ATXN10: variants seen among roughly 807,000 people sequenced by gnomAD.
The protein encoded by ATXN10 is ataxin 10, also known as ataxin-10.
A neutral mutation model predicts 52.9 loss-of-function variants in ATXN10; 28 were observed. That is an observed-to-expected ratio of 0.53 (90% CI 0.39 to 0.73). ATXN10 has a LOEUF of 0.73. Ranked by LOEUF, ATXN10 falls within the 30% of genes least tolerant of loss-of-function variation. The pLI is 0.00. For synonymous variants in ATXN10, 226 were observed against 221.5 expected (o/e 1.02, Z -0.18); for missense variants, 565 against 577.0 (o/e 0.98, Z 0.21).
rs750365963 is a variant in ATXN10 at position 45,718,502 on chromosome 22, C to CT, written c.728+9_728+10insT. The CT allele has an allele frequency of 6.2e-7, 1 of 1,611,290 alleles. No homozygotes were observed. The highest frequency in any genetic ancestry group is 1.1e-5 in the South Asian group (1 of 91,008). On this transcript the variant is annotated intron_variant, in intron 6 of 11. Coordinates refer to ENST00000252934, the MANE Select transcript of ATXN10 (RefSeq NM_013236.4). This position sits in a 1 kb window ranked among gnomAD's most constrained non-coding sequence, Gnocchi z 4.4. ...CTGAACAATCAAGAAAGGTAACCCC[C>CT]CAACCAGCGTGGTCTGGAGTATTTA...
chr22:45,689,940 A>C (rs576734331), intron 2 of ATXN10, 37 bp downstream of exon 2: 1 of 1,596,892 alleles, frequency 6.3e-7, no homozygotes, highest in Non-Finnish European at 8.6e-7. Flanking sequence ...GTTTCTTTGT[A>C]TATGTGCATG....
At chr22:45,679,901 G>A (rs1922851283) in intron 1 of ATXN10, 1 of 152,226 alleles carries the variant, frequency 6.6e-6, no homozygotes, top group South Asian at 2.1e-4. Flanking sequence ...AGACAGGAAA[G>A]AGTTTGAGCC....
chr22:45,777,557 A>G (rs948968380), intron 9 of ATXN10, among the ~76,000 whole-genome samples: 1 of 152,182 alleles, frequency 6.6e-6, no homozygotes, highest in African/African-American at 2.4e-5. Context: ...TAACCAGGTT[A>G]GTGTTTAGTT....
intron 9 of ATXN10, among the ~76,000 whole-genome samples, chr22:45,785,003 A>C (rs1927275071): frequency 1.3e-5 from 2 of 152,344 alleles, no homozygotes; most frequent in South Asian, 4.1e-4. Flanking sequence ...ATTGCACCCC[A>C]AGTAGCAGAG....
At chr22:45,700,522 G>C (rs1923801779) in intron 4 of ATXN10, 144 bp downstream of exon 4, 1 of 701,712 alleles carries the variant, frequency 1.4e-6, no homozygotes, top group Admixed American at 2.1e-5. Context: ...GTGGGTACCA[G>C]CTGGGAGAGG....
intron 9 of ATXN10, among the ~76,000 whole-genome samples, chr22:45,792,145 G>A (rs1927535508): frequency 6.6e-6 from 1 of 152,070 alleles, no homozygotes; most frequent in Admixed American, 6.6e-5. Flanking sequence ...AGTCTAAATA[G>A]ATTAAAATAG....
At chr22:45,810,356 G>A (rs998772650) in intron 10 of ATXN10, among the ~76,000 whole-genome samples, 1 of 152,092 alleles carries the variant, frequency 6.6e-6, no homozygotes, top group Non-Finnish European at 1.5e-5. Flanking sequence ...CTTCCAATTT[G>A]TCTCTTCTTT....
chr22:45,729,335 A>G, intron 6 of ATXN10, 90 bp from the exon 7 acceptor site: 3 of 1,304,980 alleles, frequency 2.3e-6, no homozygotes, highest in East Asian at 2.3e-5. Context: ...TAAAATAATA[A>G]TATTCCCTTA....
At chr22:45,832,283 T>C (rs1326697651) in intron 10 of ATXN10, among the ~76,000 whole-genome samples, 2 of 152,148 alleles carry the variant, frequency 1.3e-5, no homozygotes, top group Admixed American at 6.5e-5. Flanking sequence ...TTTTATCCAC[T>C]CTCCCTCACT....
intron 2 of ATXN10, among the ~76,000 whole-genome samples, chr22:45,691,888 G>A (rs9626425): frequency 3.3e-5 from 5 of 151,694 alleles, no homozygotes; most frequent in Admixed American, 1.3e-4. Context: ...GTGAGACTCC[G>A]TCTCAAAAAA....
intron 5 of ATXN10, among the ~76,000 whole-genome samples, chr22:45,709,813 A>C (rs1273122218): frequency 6.6e-6 from 1 of 152,132 alleles, no homozygotes; most frequent in Non-Finnish European, 1.5e-5. Flanking sequence ...GATTTCCCCC[A>C]CACATAACAC....
At chr22:45,817,941 T>C (rs187351861) in intron 10 of ATXN10, among the ~76,000 whole-genome samples, 3 of 152,270 alleles carry the variant, frequency 2.0e-5, no homozygotes, top group Admixed American at 2.0e-4. Flanking sequence ...GGACCTGCTT[T>C]AGCCAGCTCT....
intron 10 of ATXN10, among the ~76,000 whole-genome samples, chr22:45,822,640 C>T (rs997393203): frequency 1.3e-4 from 20 of 148,860 alleles, no homozygotes; most frequent in African/African-American, 4.5e-4. Flanking sequence ...AAGTGATTCT[C>T]CTGCCTGAGC....
In ATXN10 at chr22:45,835,298, G is replaced by T. The variant is rs939912007; in HGVS notation, c.1238-7693G>T. Among the ~76,000 whole-genome samples, 3 of 152,198 alleles carry T rather than the reference G, an allele frequency of 2.0e-5. No homozygotes were observed. The highest frequency in any genetic ancestry group is 3.2e-3 in the Middle Eastern group (1 of 316). On this transcript the variant is annotated intron_variant, in intron 10 of 11. Transcript: ENST00000252934. This position sits in a 1 kb window ranked among gnomAD's most constrained non-coding sequence, Gnocchi z 5.0. ...CGGGCGCTTGAGCTTTCACATCTGG[G>T]ACTGGTGAGGGATGGAGAGTACACG...
At chr22:45,808,575 C>T (rs548098556) in intron 10 of ATXN10, among the ~76,000 whole-genome samples, 1 of 152,154 alleles carries the variant, frequency 6.6e-6, no homozygotes, top group Non-Finnish European at 1.5e-5. Flanking sequence ...GTGTTTACAC[C>T]CATTGCCTTA....
intron 3 of ATXN10, among the ~76,000 whole-genome samples, 183 bp from the exon 4 acceptor site, chr22:45,700,099 G>A (rs1418756416): frequency 2.0e-5 from 3 of 152,110 alleles, no homozygotes; most frequent in East Asian, 1.9e-4. Context: ...GGCGTGAGCC[G>A]CCGCTCCCAG....
intron 9 of ATXN10, among the ~76,000 whole-genome samples, chr22:45,751,759 A>T (rs1336223510): frequency 5.2e-5 from 3 of 58,080 alleles, no homozygotes; most frequent in Non-Finnish European, 1.2e-4. Flanking sequence ...AAAAAATAAA[A>T]AAAAAATAAT....
At chr22:45,788,912 G>A (rs1177058100) in intron 9 of ATXN10, among the ~76,000 whole-genome samples, 1 of 152,078 alleles carries the variant, frequency 6.6e-6, no homozygotes, top group Non-Finnish European at 1.5e-5. Context: ...CCCTCCGAAA[G>A]CACTAGGATT....
Position 45,774,245 on chromosome 22 carries a change from A to G in ATXN10, c.1174-32714A>G, listed in dbSNP as rs1349251551. Among the ~76,000 whole-genome samples, 3 of 152,220 alleles carry G rather than the reference A, an allele frequency of 2.0e-5. No individual in the cohort carries two copies. The highest frequency in any genetic ancestry group is 7.2e-5 in the African/African-American group (3 of 41,456). ...TCTGCTGGGGGAGTTTTTGGCCTCCATAACTCTGTGACTGTTGACCATGGC... is the reference window on the plus strand; with the variant it reads ...TCTGCTGGGGGAGTTTTTGGCCTCCGTAACTCTGTGACTGTTGACCATGGC... On this transcript the variant is annotated intron_variant, in intron 9 of 11. Coordinates refer to ENST00000252934, the MANE Select transcript of ATXN10 (RefSeq NM_013236.4). The surrounding 1 kb of genome is among the most constrained non-coding windows in gnomAD (Gnocchi z 6.2).
Sources: allele counts gnomAD v4.1 joint callset (sites outside exome capture counted in the v4.1 genomes callset), GRCh38; gene constraint gnomAD v4.1.1; non-coding constraint Gnocchi (gnomAD v3.1); transcripts MANE v1.5; gene names NCBI Gene and HGNC (gene_info 2026-07-23, HGNC 2026-07-21).